PSMA1: variants seen among roughly 807,000 people sequenced by gnomAD.
The protein encoded by PSMA1 is proteasome subunit alpha type-1.
A neutral mutation model predicts 38.4 loss-of-function variants in PSMA1; 3 were observed. That is an observed-to-expected ratio of 0.08 (90% CI 0.04 to 0.20). The LOEUF is 0.20. Among genes scored for constraint, PSMA1 ranks in the 10% least tolerant of loss-of-function variants. PSMA1 has a pLI of 1.00. For missense variants in PSMA1, 227 were observed against 325.3 expected (o/e 0.70, Z 2.32); for synonymous variants, 101 against 107.1 (o/e 0.94, Z 0.35).
chr11:14,559,590 T>G (rs1851985986), intron 2 of PSMA1, among the ~76,000 whole-genome samples: 1 of 152,164 alleles, frequency 6.6e-6, no homozygotes, highest in African/African-American at 2.4e-5. Context: ...GAAGCAGAAC[T>G]GAAAGGCTGG....
chr11:14,586,192 GA>G lies in PSMA1; in HGVS notation c.21+24773del, dbSNP rs527722609. On this transcript the variant is annotated intron_variant, in intron 2 of 10. Transcript: ENST00000418988. ...CACACCGGTAATCCTGGCACTTTGG[GA>G]GGCCGAGGCTGGAGGACTACTTGAG... Among the ~76,000 whole-genome samples the G allele has an allele frequency of 4.6e-5, 7 of 152,260 alleles. No homozygotes were observed. In the South Asian group the frequency reaches 1.5e-3, roughly 32 times the overall value.
intron 2 of PSMA1, among the ~76,000 whole-genome samples, chr11:14,526,081 G>A (rs980372634): frequency 2.6e-5 from 4 of 151,946 alleles, no homozygotes; most frequent in Non-Finnish European, 4.4e-5. Flanking sequence ...AAAAACACAC[G>A]TGCTCTCCCT....
At chr11:14,552,566 T>C (rs565987730) in intron 2 of PSMA1, among the ~76,000 whole-genome samples, 6 of 152,150 alleles carry the variant, frequency 3.9e-5, no homozygotes, top group Non-Finnish European at 7.3e-5. Context: ...AATTACTCTA[T>C]GGTAATAAGT....
At chr11:14,598,999 C>T (rs1342712917) in intron 2 of PSMA1, among the ~76,000 whole-genome samples, 3 of 152,066 alleles carry the variant, frequency 2.0e-5, no homozygotes, top group Admixed American at 1.3e-4. Context: ...ACTTATGAAG[C>T]TTAGTTTGGC....
At chr11:14,614,059 G>A (rs1469282530) in intron 1 of PSMA1, among the ~76,000 whole-genome samples, 1 of 152,176 alleles carries the variant, frequency 6.6e-6, no homozygotes, top group Non-Finnish European at 1.5e-5. Flanking sequence ...ACAATTGCAT[G>A]TCACTGGGAT....
intron 2 of PSMA1, among the ~76,000 whole-genome samples, chr11:14,564,919 A>G (rs1051017570): frequency 6.6e-6 from 1 of 151,984 alleles, no homozygotes; most frequent in Middle Eastern, 3.4e-3. Context: ...CTGGGACTAC[A>G]GGTACACATC....
intron 1 of PSMA1, among the ~76,000 whole-genome samples, chr11:14,638,213 C>T (rs1274148609): frequency 6.6e-6 from 1 of 152,062 alleles, no homozygotes; most frequent in Non-Finnish European, 1.5e-5. Context: ...CATCGTGCTA[C>T]CTGGCCTTTC....
intron 2 of PSMA1, among the ~76,000 whole-genome samples, chr11:14,563,107 A>G (rs1852028723): frequency 6.6e-6 from 1 of 152,164 alleles, no homozygotes; most frequent in African/African-American, 2.4e-5. Context: ...ACATTAAAGT[A>G]TTTAATGGGG....
At chr11:14,613,314 C>T (rs544769661) in intron 1 of PSMA1, among the ~76,000 whole-genome samples, 1 of 139,680 alleles carries the variant, frequency 7.2e-6, no homozygotes, top group Non-Finnish European at 1.6e-5. Flanking sequence ...TGCAGTGGCA[C>T]CATCTCGGCT....
At position 14,534,104 on chromosome 11, in the gene PSMA1, C is replaced by T. The variant is rs1352974149; in HGVS notation, c.22-15063G>A. On this transcript the variant is annotated intron_variant, in intron 2 of 10. Coordinates refer to the PSMA1 transcript ENST00000418988. The surrounding 1 kb of genome is among the most constrained non-coding windows in gnomAD (Gnocchi z 4.5). ...GCTGAGGCAGGAGAATCACTTGAAC[C>T]CAGGAGGTGGAGGTTGCAGTGAGCC... Among the ~76,000 whole-genome samples, 2 of 152,108 alleles carry T rather than the reference C, an allele frequency of 1.3e-5. No homozygotes were observed. The highest frequency in any genetic ancestry group is 2.9e-5 in the Non-Finnish European group (2 of 68,006).
At chr11:14,543,626 C>T (rs564237478) in intron 2 of PSMA1, among the ~76,000 whole-genome samples, 5 of 151,844 alleles carry the variant, frequency 3.3e-5, no homozygotes, top group Admixed American at 2.0e-4. Flanking sequence ...TTTCTCTGTC[C>T]TTCTGCCATT....
intron 2 of PSMA1, among the ~76,000 whole-genome samples, chr11:14,582,684 ATTTTTT>A (rs71044011): frequency 5.8e-5 from 8 of 138,838 alleles, no homozygotes; most frequent in Non-Finnish European, 9.3e-5. Flanking sequence ...GGCCCAGCTA[ATTTTTT>A]TTTTTTTTTT....
intron 1 of PSMA1, among the ~76,000 whole-genome samples, chr11:14,622,944 GA>G (rs1264792154): frequency 1.3e-5 from 2 of 152,182 alleles, no homozygotes; most frequent in African/African-American, 4.8e-5. Flanking sequence ...TGTCTTTTGA[GA>G]AAAAGCTCTT....
At chr11:14,509,972 C>T (rs1281155959) in intron 8 of PSMA1, among the ~76,000 whole-genome samples, 1 of 152,148 alleles carries the variant, frequency 6.6e-6, no homozygotes, top group Non-Finnish European at 1.5e-5. Context: ...ATCCACCTGC[C>T]TTGGTCTCCC....
At chr11:14,548,442 A>G (rs1227993725) in intron 2 of PSMA1, among the ~76,000 whole-genome samples, 1 of 152,148 alleles carries the variant, frequency 6.6e-6, no homozygotes, top group African/African-American at 2.4e-5. Context: ...ATGTATACAC[A>G]TACTTTTACA....
chr11:14,593,851 T>C (rs1852452206), intron 2 of PSMA1, among the ~76,000 whole-genome samples: 1 of 152,214 alleles, frequency 6.6e-6, no homozygotes, highest in South Asian at 2.1e-4. Flanking sequence ...TCTTCCTCTT[T>C]TCTAACAGAA....
intron 2 of PSMA1, among the ~76,000 whole-genome samples, chr11:14,553,723 T>C (rs188874602): frequency 1.2e-4 from 19 of 152,322 alleles, no homozygotes; most frequent in Admixed American, 1.0e-3. Context: ...CATTCACCCA[T>C]TGAAGGACAT....
intron 2 of PSMA1, among the ~76,000 whole-genome samples, chr11:14,559,709 T>G (rs1326378616): frequency 6.6e-6 from 1 of 152,212 alleles, no homozygotes; most frequent in Non-Finnish European, 1.5e-5. Flanking sequence ...ACCCAGGGAT[T>G]CTTAATATCT....
intron 5 of PSMA1, 56 bp downstream of exon 5, chr11:14,514,347 C>G: frequency 6.6e-7 from 1 of 1,522,300 alleles, no homozygotes; most frequent in South Asian, 1.3e-5. Flanking sequence ...ATAATTAACA[C>G]AAGTATCAAA....
Sources: gnomAD v4.1 joint callset for allele counts (sites outside exome capture counted in the v4.1 genomes callset) on GRCh38, gnomAD v4.1.1 for gene constraint, Gnocchi (gnomAD v3.1) non-coding constraint, MANE v1.5 for transcripts, NCBI Gene and HGNC (gene_info 2026-07-23, HGNC 2026-07-21) for gene names.